Variants in RNASE4 observed in about 807,000 individuals in gnomAD.
RNASE4 encodes the protein ribonuclease A family member 4, also known as ribonuclease 4.
For synonymous variants in RNASE4, 93 were observed against 71.4 expected, an observed-to-expected ratio of 1.30 and a Z score of -1.52; for missense variants, 194 against 192.8, an observed-to-expected ratio of 1.01 and a Z score of -0.04.
chr14:20,688,829 C>T, intron 1 of RNASE4: 1 of 985,370 alleles, frequency 1.0e-6, no homozygotes, highest in Non-Finnish European at 1.2e-6. Flanking sequence ...AACCCATCTC[C>T]CGTTGAAGGG....
At chr14:20,687,102 T>C (rs1886462082) in intron 1 of RNASE4, among the ~76,000 whole-genome samples, 1 of 152,226 alleles carries the variant, frequency 6.6e-6, no homozygotes, top group Non-Finnish European at 1.5e-5. Context: ...TCATTTGTAT[T>C]AAAATTACTG....
At chr14:20,688,891 T>C (rs1052640292) in intron 1 of RNASE4, 4 of 980,022 alleles carry the variant, frequency 4.1e-6, no homozygotes, top group Non-Finnish European at 4.8e-6. Context: ...TATTGTTCAA[T>C]TTGTTTTATA....
At chr14:20,698,529 T>C (rs1887167169) in intron 1 of RNASE4, among the ~76,000 whole-genome samples, 1 of 152,260 alleles carries the variant, frequency 6.6e-6, no homozygotes, top group Non-Finnish European at 1.5e-5. Flanking sequence ...TTCATTAGCT[T>C]ACTCATTTCA....
At chr14:20,689,538 C>T (rs944257345) in intron 1 of RNASE4, among the ~76,000 whole-genome samples, 1 of 152,124 alleles carries the variant, frequency 6.6e-6, no homozygotes, top group Non-Finnish European at 1.5e-5. Flanking sequence ...CTTTTGAATA[C>T]TGAACATTGC....
In RNASE4 at chr14:20,693,471, G is replaced by A. The variant is rs115598918; in HGVS notation, c.-17-5884G>A. 6.4e-4 allele frequency: 1,003 copies of A among 1,579,056 alleles called. 7 individuals are homozygous for A. In the African/African-American group the frequency reaches 0.012, roughly 18 times the overall value. On this transcript the variant is annotated intron_variant, in intron 1 of 1. Coordinates refer to ENST00000555835, the MANE Select transcript of RNASE4 (RefSeq NM_002937.5). The stretch of plus-strand genomic sequence containing the variant: ...CTGATTCATGATGCCGTGTCAGAGA[G>A]CAAAGCTCCTGTCCTTTTGGCCTAA...
intron 1 of RNASE4, among the ~76,000 whole-genome samples, chr14:20,692,654 AT>A (rs978708041): frequency 4.6e-5 from 7 of 152,194 alleles, no homozygotes; most frequent in African/African-American, 1.7e-4. Flanking sequence ...TCCTGAAACC[AT>A]CCCCCACCAA....
chr14:20,688,674 C>A, intron 1 of RNASE4: 1 of 985,170 alleles, frequency 1.0e-6, no homozygotes, highest in Non-Finnish European at 1.2e-6. Flanking sequence ...GAATGACCCT[C>A]CTCGTTTGTT....
At chr14:20,688,712 C>T (rs1192346743) in intron 1 of RNASE4, 7 of 985,196 alleles carry the variant, frequency 7.1e-6, no homozygotes, top group Non-Finnish European at 7.2e-6. Context: ...GTTTTCATGT[C>T]CCTGCCAGGA....
chr14:20,697,586 A>G (rs1395995099), intron 1 of RNASE4, among the ~76,000 whole-genome samples: 1 of 152,224 alleles, frequency 6.6e-6, no homozygotes, highest in Non-Finnish European at 1.5e-5. Context: ...TCAATAATGA[A>G]AAGGTAGCCT....
intron 1 of RNASE4, chr14:20,693,951 T>C (rs1886965810): frequency 6.2e-7 from 1 of 1,614,108 alleles, no homozygotes. Context: ...ACGTTGTTGT[T>C]GCTTGTGAAA....
At chr14:20,687,739 A>G (rs2139002250) in intron 1 of RNASE4, among the ~76,000 whole-genome samples, 1 of 152,354 alleles carries the variant, frequency 6.6e-6, no homozygotes, top group African/African-American at 2.4e-5. Flanking sequence ...CACAAAATGA[A>G]AGATTGCACT....
chr14:20,693,147 G>A (rs1886886539), intron 1 of RNASE4, among the ~76,000 whole-genome samples: 1 of 152,100 alleles, frequency 6.6e-6, no homozygotes, highest in African/African-American at 2.4e-5. Flanking sequence ...GCGCCCGGCC[G>A]TCATTTGGTA....
chr14:20,695,352 G>A (rs1013291646), intron 1 of RNASE4, among the ~76,000 whole-genome samples: 15 of 146,130 alleles, frequency 1.0e-4, no homozygotes, highest in African/African-American at 3.3e-4. Flanking sequence ...CCGAGATCAC[G>A]CCACTGCACT....
At chr14:20,690,383 C>T (rs2139011195) in intron 1 of RNASE4, among the ~76,000 whole-genome samples, 1 of 152,242 alleles carries the variant, frequency 6.6e-6, no homozygotes, top group African/African-American at 2.4e-5. Flanking sequence ...GCTTTGCACC[C>T]TTGGCTTAGG....
At chr14:20,696,408 C>T (rs545285179) in intron 1 of RNASE4, among the ~76,000 whole-genome samples, 13 of 152,156 alleles carry the variant, frequency 8.5e-5, no homozygotes, top group Admixed American at 3.9e-4. Context: ...TTTTATCCTG[C>T]GTGAATCAAT....
At chr14:20,692,397 C>G (rs913232218) in intron 1 of RNASE4, among the ~76,000 whole-genome samples, 1 of 152,222 alleles carries the variant, frequency 6.6e-6, no homozygotes, top group East Asian at 1.9e-4. Context: ...TAGCTAGAAG[C>G]CTGTCGTAAA....
At chr14:20,687,045 C>G (rs1886459024) in intron 1 of RNASE4, among the ~76,000 whole-genome samples, 1 of 152,140 alleles carries the variant, frequency 6.6e-6, no homozygotes, top group Non-Finnish European at 1.5e-5. Context: ...TTAAAGCTGT[C>G]TGAACATTTA....
At chr14:20,696,754 T>C (rs1162602475) in intron 1 of RNASE4, among the ~76,000 whole-genome samples, 1 of 152,084 alleles carries the variant, frequency 6.6e-6, no homozygotes, top group Non-Finnish European at 1.5e-5. Context: ...ATGCAGTAAT[T>C]GCCAATATTT....
intron 1 of RNASE4, chr14:20,693,564 G>C: frequency 6.2e-7 from 1 of 1,612,230 alleles, no homozygotes; most frequent in Non-Finnish European, 8.5e-7. Flanking sequence ...TGTTGGAAGA[G>C]ATGGTGATGG....
Sources: gnomAD v4.1 joint callset for allele counts (sites outside exome capture counted in the v4.1 genomes callset) on GRCh38, gnomAD v4.1.1 for gene constraint, MANE v1.5 for transcripts, NCBI Gene and HGNC (gene_info 2026-07-23, HGNC 2026-07-21) for gene names.